Variants in MYCBP2 observed in about 807,000 individuals in gnomAD.
The protein encoded by MYCBP2 is E3 ubiquitin-protein ligase MYCBP2.
MYCBP2 carries 120 observed loss-of-function variants against 525.3 expected under a neutral mutation model. That is an observed-to-expected ratio of 0.23 (90% CI 0.20 to 0.27). The LOEUF is 0.27. Among genes scored for constraint, MYCBP2 ranks in the 10% least tolerant of loss-of-function variants. MYCBP2 has a pLI of 1.00. For synonymous variants in MYCBP2, 1,894 were observed against 1,955.8 expected (o/e 0.97, Z 0.83); for missense variants, 4,149 against 5,657.1 (o/e 0.73, Z 8.55).
chr13:77,174,276 T>C (rs1479362513), intron 37 of MYCBP2, 35 bp downstream of exon 37: 2 of 1,604,326 alleles, frequency 1.2e-6, no homozygotes, highest in Non-Finnish European at 1.7e-6. Flanking sequence ...TCTACCACTG[T>C]AAAGTATTTC....
At chr13:77,116,308 G>A (rs2049750291) in intron 55 of MYCBP2, among the ~76,000 whole-genome samples, 1 of 151,898 alleles carries the variant, frequency 6.6e-6, no homozygotes. Context: ...AGTTCACTAA[G>A]AATAAGCCAT....
intron 56 of MYCBP2, among the ~76,000 whole-genome samples, chr13:77,096,802 A>G (rs1422369380): frequency 6.6e-6 from 1 of 152,176 alleles, no homozygotes; most frequent in Non-Finnish European, 1.5e-5. Context: ...GTTCTATAAC[A>G]ATGATATATT....
intron 75 of MYCBP2, 123 bp downstream of exon 75, chr13:77,061,539 G>A (rs1352035705): frequency 1.7e-6 from 2 of 1,161,472 alleles, no homozygotes; most frequent in Non-Finnish European, 2.4e-6. Flanking sequence ...AGACAGCTGT[G>A]AACTCAACCA....
At position 77,150,965 on chromosome 13, in the gene MYCBP2, T is replaced by C. The variant is rs371118024; in HGVS notation, c.6916-16A>G. ...TCACTTCCACCTAAACATGGTATTA[T>C]AGAAACCAAATACCATTATTATTTA... On this transcript the variant is annotated splice_polypyrimidine_tract_variant and intron_variant, in intron 46 of 82. Transcript: ENST00000544440. 2.5e-6 allele frequency: 4 copies of C among 1,592,336 alleles called. No individual in the cohort carries two copies. Among genetic ancestry groups the C allele is most frequent in the African/African-American group, 1.3e-5 (1 of 74,334 alleles).
intron 21 of MYCBP2, among the ~76,000 whole-genome samples, chr13:77,214,663 C>G (rs754956335): frequency 9.2e-5 from 14 of 152,030 alleles, no homozygotes; most frequent in Non-Finnish European, 4.4e-5. Context: ...TGTGATGCTG[C>G]GAACATCAGA....
chr13:77,262,362 T>G (rs896984783), intron 10 of MYCBP2, among the ~76,000 whole-genome samples: 1 of 152,076 alleles, frequency 6.6e-6, no homozygotes, highest in African/African-American at 2.4e-5. Context: ...AAATTAATTT[T>G]TTAAATATAC....
intron 55 of MYCBP2, among the ~76,000 whole-genome samples, chr13:77,105,518 A>C (rs2047716284): frequency 6.6e-6 from 1 of 152,118 alleles, no homozygotes; most frequent in African/African-American, 2.4e-5. Context: ...AAGTTTAAAC[A>C]TACTTTCATA....
chr13:77,141,067 T>G (rs17692643), intron 49 of MYCBP2, 124 bp from the exon 50 acceptor site: 68,648 of 671,436 alleles, frequency 0.1, 4,310 homozygotes, highest in Non-Finnish European at 0.13. Context: ...ATTTCTGTCC[T>G]TTTAAGGTGA....
chr13:77,253,935 T>G, intron 14 of MYCBP2, among the ~76,000 whole-genome samples: 1 of 151,910 alleles, frequency 6.6e-6, no homozygotes, highest in South Asian at 2.1e-4. Context: ...CCAGGAAACA[T>G]TTATAAAGGA....
chr13:77,078,962 T>C, intron 65 of MYCBP2, 73 bp from the exon 66 acceptor site: 3 of 1,222,074 alleles, frequency 2.5e-6, no homozygotes, highest in Non-Finnish European at 3.6e-6. Context: ...TCTCATGACC[T>C]ACTAATACCA....
chr13:77,323,086 CAT>C (rs2081886950), intron 1 of MYCBP2, among the ~76,000 whole-genome samples: 1 of 152,216 alleles, frequency 6.6e-6, no homozygotes, highest in African/African-American at 2.4e-5. Flanking sequence ...ATGCCAAGCA[CAT>C]ACATTGATTC....
chr13:77,254,968 A>G (rs952463098), intron 14 of MYCBP2, among the ~76,000 whole-genome samples: 1 of 151,942 alleles, frequency 6.6e-6, no homozygotes, highest in Non-Finnish European at 1.5e-5. Flanking sequence ...TCTATTGTGT[A>G]TGTACCACAT....
chr13:77,211,117 G>C (rs1411458951), intron 23 of MYCBP2, 50 bp downstream of exon 23: 2 of 1,337,332 alleles, frequency 1.5e-6, no homozygotes, highest in Non-Finnish European at 2.0e-6. Context: ...TACCATAAGA[G>C]TATAACTGCA....
At chr13:77,061,429 C>T in intron 75 of MYCBP2, 128 bp from the exon 76 acceptor site, 1 of 924,410 alleles carries the variant, frequency 1.1e-6, no homozygotes, top group Non-Finnish European at 1.5e-6. Context: ...TTGAATATTT[C>T]CAATCTTCTC....
chr13:77,267,115 T>C (rs571264785), intron 8 of MYCBP2, among the ~76,000 whole-genome samples: 1 of 152,166 alleles, frequency 6.6e-6, no homozygotes, highest in East Asian at 1.9e-4. Flanking sequence ...GATTTTAATA[T>C]AAACAGCCTC....
At chr13:77,070,741 A>AAAAAT (rs2041071663) in intron 68 of MYCBP2, 30 bp from the exon 69 acceptor site, 1 of 1,391,566 alleles carries the variant, frequency 7.2e-7, no homozygotes, top group Non-Finnish European at 9.9e-7. Context: ...AAAAAAAAAA[A>AAAAAT]GAATGAAGTG....
At chr13:77,199,965 A>C (rs1413091781) in intron 26 of MYCBP2, among the ~76,000 whole-genome samples, 1 of 152,258 alleles carries the variant, frequency 6.6e-6, no homozygotes, top group Admixed American at 6.5e-5. Context: ...AAAAACTGGA[A>C]ACTCTAAAAA....
At chr13:77,298,814 A>G (rs530484741) in intron 1 of MYCBP2, among the ~76,000 whole-genome samples, 2 of 152,330 alleles carry the variant, frequency 1.3e-5, no homozygotes, top group Non-Finnish European at 2.9e-5. Context: ...AGAAAGATTA[A>G]CAGTGCCAAA....
At chr13:77,235,170 G>C (rs2067721465) in intron 17 of MYCBP2, among the ~76,000 whole-genome samples, 1 of 151,870 alleles carries the variant, frequency 6.6e-6, no homozygotes, top group African/African-American at 2.4e-5. Flanking sequence ...GGTCTCACTG[G>C]AATTCAGTCC....
Sources: gnomAD v4.1 joint callset for allele counts (sites outside exome capture counted in the v4.1 genomes callset) on GRCh38, gnomAD v4.1.1 for gene constraint, MANE v1.5 for transcripts, NCBI Gene and HGNC (gene_info 2026-07-23, HGNC 2026-07-21) for gene names.